BCAS3: variants seen among roughly 807,000 people sequenced by gnomAD.
The protein encoded by BCAS3 is BCAS3 microtubule associated cell migration factor, also known as BCAS4/BCAS3 fusion.
Under a neutral mutation model 116.1 loss-of-function variants are expected in BCAS3, and 53 were observed. The observed-to-expected ratio is 0.46, with a 90% CI of 0.37 to 0.57. The LOEUF is 0.57. Ranked by LOEUF, BCAS3 falls within the 20% of genes least tolerant of loss-of-function variation. The pLI is 0.00. For missense variants in BCAS3, 917 were observed against 1,165.4 expected (o/e 0.79, Z 3.10); for synonymous variants, 391 against 408.2 (o/e 0.96, Z 0.51).
At chr17:60,792,418 T>G (rs2046858549) in intron 6 of BCAS3, among the ~76,000 whole-genome samples, 1 of 152,218 alleles carries the variant, frequency 6.6e-6, no homozygotes, top group African/African-American at 2.4e-5. Context: ...ACCACTCTGC[T>G]TGCCCTTGGC....
At chr17:60,771,866 C>CGAAA (rs1236185248) in intron 6 of BCAS3, among the ~76,000 whole-genome samples, 3 of 152,166 alleles carry the variant, frequency 2.0e-5, no homozygotes, top group African/African-American at 7.2e-5. Flanking sequence ...TCATCCATGT[C>CGAAA]CCTACAAAGG....
chr17:61,048,790 A>C (rs1350288576), intron 19 of BCAS3, among the ~76,000 whole-genome samples: 2 of 151,964 alleles, frequency 1.3e-5, no homozygotes, highest in Non-Finnish European at 2.9e-5. Flanking sequence ...TCAACAGAAT[A>C]CTGGTGCCTC....
chr17:60,818,594 C>T (rs1187911136), intron 7 of BCAS3, among the ~76,000 whole-genome samples: 1 of 152,058 alleles, frequency 6.6e-6, no homozygotes, highest in East Asian at 1.9e-4. Flanking sequence ...GAGTTCTGAC[C>T]GATATTATCT....
chr17:61,163,325 GA>G (rs71148383), intron 22 of BCAS3, among the ~76,000 whole-genome samples: 96,820 of 151,670 alleles, frequency 0.64, 34,665 homozygotes, highest in South Asian at 0.86. Flanking sequence ...TGGGGAGGCT[GA>G]GGCAGGAGAA....
rs1211925653 is a variant in BCAS3, at chr17:60,708,324, C to CAA, written c.215-877_215-876dup. Among the ~76,000 whole-genome samples the CAA allele has an allele frequency of 7.9e-5, 6 of 75,682 alleles. 1 individual carries two copies. Among genetic ancestry groups the CAA allele is most frequent in the African/African-American group, 1.3e-4 (4 of 29,656 alleles). The allele number at this position is 75,682 out of a possible 152,430, so 49.7% of individuals were successfully genotyped here. A position where few individuals can be genotyped will look rare whatever the true frequency, so the allele number is the denominator to read the frequency against. ...TGGATGAAGGAGTGAGATTCTGTCTCAAAAAAAAAAAAAAAAAAAGTTTGT... is the reference window on the plus strand; with the variant it reads ...TGGATGAAGGAGTGAGATTCTGTCTCAAAAAAAAAAAAAAAAAAAAAGTTTGT... On this transcript the variant is annotated intron_variant, in intron 4 of 23. Coordinates refer to ENST00000407086, the MANE Select transcript of BCAS3 (RefSeq NM_017679.5).
rs533515914 is a variant in BCAS3 at position 60,802,371 on chromosome 17, C to CATATATAT, written c.404-5622_404-5615dup. On this transcript the variant is annotated intron_variant, in intron 6 of 23. Coordinates refer to ENST00000407086, the MANE Select transcript of BCAS3 (RefSeq NM_017679.5). ...ATACACACACATACATACATACATA[C>CATATATAT]ATATATATATATATATATCCCCTTG... Among the ~76,000 whole-genome samples the CATATATAT allele has an allele frequency of 9.6e-3, 1,074 of 111,916 alleles. 14 individuals are homozygous for CATATATAT. The highest frequency in any genetic ancestry group is 0.028 in the African/African-American group (753 of 26,598). The allele number at this position is 111,916 out of a possible 152,430, so 73.4% of individuals were successfully genotyped here.
chr17:61,052,715 C>CTTTTT (rs60772345), intron 19 of BCAS3, among the ~76,000 whole-genome samples: 76 of 124,922 alleles, frequency 6.1e-4, no homozygotes, highest in East Asian at 1.6e-3. Flanking sequence ...TTCTTTCTTT[C>CTTTTT]TTTTTTTTTT....
At chr17:60,762,825 C>T (rs944062386) in intron 6 of BCAS3, among the ~76,000 whole-genome samples, 3 of 151,876 alleles carry the variant, frequency 2.0e-5, no homozygotes, top group African/African-American at 7.3e-5. Flanking sequence ...TTCTTCCTAT[C>T]CATGAGCATG....
In BCAS3 at chr17:61,122,346, C is replaced by T. The variant is rs545191231; in HGVS notation, c.2425+37782C>T. On this transcript the variant is annotated intron_variant, in intron 22 of 23. Transcript: ENST00000407086. The surrounding 1 kb of genome is among the most constrained non-coding windows in gnomAD (Gnocchi z 4.6). ...CTGTCTCACATTCACTCAGGCTGCC[C>T]TTGGTTTTGAGCCAGATAACAAACC... 6.6e-6 allele frequency among the ~76,000 whole-genome samples: 1 copy of T among 152,332 alleles called. No homozygotes were observed. The highest frequency in any genetic ancestry group is 1.5e-5 in the Non-Finnish European group (1 of 68,036).
At position 61,118,106 on chromosome 17, in the gene BCAS3, T is replaced by G. The variant is rs1181595937; in HGVS notation, c.2425+33542T>G. Among the ~76,000 whole-genome samples the G allele has an allele frequency of 6.6e-6, 1 of 152,222 alleles. No individual in the cohort carries two copies. The highest frequency in any genetic ancestry group is 2.4e-5 in the African/African-American group (1 of 41,456). On this transcript the variant is annotated intron_variant, in intron 22 of 23. Coordinates refer to ENST00000407086, the MANE Select transcript of BCAS3 (RefSeq NM_017679.5). The surrounding 1 kb of genome is among the most constrained non-coding windows in gnomAD (Gnocchi z 5.0). ...TTCAGTTGAAAGCTGGGCATTTCCCTATGATATGAATTGTACTTAAACCTT... is the reference window on the plus strand; with the variant it reads ...TTCAGTTGAAAGCTGGGCATTTCCCGATGATATGAATTGTACTTAAACCTT...
At chr17:60,903,713 G>A (rs1349540852) in intron 11 of BCAS3, among the ~76,000 whole-genome samples, 1 of 152,148 alleles carries the variant, frequency 6.6e-6, no homozygotes, top group Non-Finnish European at 1.5e-5. Context: ...GGTTACAGGT[G>A]TGCATCACCG....
At chr17:60,895,098 C>A (rs142458543) in intron 10 of BCAS3, among the ~76,000 whole-genome samples, 104 of 152,138 alleles carry the variant, frequency 6.8e-4, no homozygotes, top group African/African-American at 2.2e-3. Context: ...GGGAGAGTTT[C>A]TTCCTCTTTT....
intron 14 of BCAS3, among the ~76,000 whole-genome samples, chr17:60,989,658 A>G (rs1294938836): frequency 6.6e-6 from 1 of 152,166 alleles, no homozygotes; most frequent in East Asian, 1.9e-4. Flanking sequence ...TACATGAATT[A>G]TTGTTGTTAT....
At chr17:60,926,707 A>C (rs2059382095) in intron 13 of BCAS3, among the ~76,000 whole-genome samples, 1 of 152,182 alleles carries the variant, frequency 6.6e-6, no homozygotes, top group Non-Finnish European at 1.5e-5. Context: ...CCTTTGTGTT[A>C]GTGTATATTT....
chr17:61,108,302 C>A (rs921212589), intron 22 of BCAS3, among the ~76,000 whole-genome samples: 2 of 152,034 alleles, frequency 1.3e-5, no homozygotes, highest in Non-Finnish European at 2.9e-5. Context: ...GTGTCTGTAT[C>A]ATTATATTTG....
In BCAS3 at chr17:60,981,256, C is replaced by T. The variant is rs190449562; in HGVS notation, c.1222-8715C>T. Among the ~76,000 whole-genome samples the T allele has an allele frequency of 5.9e-5, 9 of 151,832 alleles. No individual in the cohort carries two copies. The East Asian group carries it at 1.7e-3, about 29-fold the overall frequency. ...CCAAGTAAGAGACTAATATAGTAACCTTGTAGATGATAGTGTTTTAAGTGT... is the reference window on the plus strand; with the variant it reads ...CCAAGTAAGAGACTAATATAGTAACTTTGTAGATGATAGTGTTTTAAGTGT... On this transcript the variant is annotated intron_variant, in intron 14 of 23. Coordinates refer to ENST00000407086, the MANE Select transcript of BCAS3 (RefSeq NM_017679.5).
In BCAS3 at chr17:61,286,336, A is replaced by T. The variant is rs2051779401; in HGVS notation, c.2426-81991A>T. ...AAGTTATCGTGAGCAGATGAAGCAG[A>T]GGTTGCTGGGTTTATACTGATGTCT... is the stretch of plus-strand genomic sequence containing the variant. On this transcript the variant is annotated intron_variant, in intron 22 of 23. Transcript: ENST00000407086. This position sits in a 1 kb window ranked among gnomAD's most constrained non-coding sequence, Gnocchi z 4.8. Among the ~76,000 whole-genome samples the T allele has an allele frequency of 6.6e-6, 1 of 152,120 alleles. No individual in the cohort carries two copies. The highest frequency in any genetic ancestry group is 2.4e-5 in the African/African-American group (1 of 41,402).
At chr17:61,246,968 C>G (rs1346536014) in intron 22 of BCAS3, among the ~76,000 whole-genome samples, 1 of 152,006 alleles carries the variant, frequency 6.6e-6, no homozygotes, top group Non-Finnish European at 1.5e-5. Context: ...TGCTTTAGTA[C>G]CGAAATTAAC....
At chr17:61,170,300 T>C (rs1033799003) in intron 22 of BCAS3, among the ~76,000 whole-genome samples, 7 of 151,584 alleles carry the variant, frequency 4.6e-5, no homozygotes, top group Non-Finnish European at 7.4e-5. Flanking sequence ...TTTTGTTTTT[T>C]GGTTTTTTTT....
Sources: allele counts gnomAD v4.1 joint callset (sites outside exome capture counted in the v4.1 genomes callset), GRCh38; gene constraint gnomAD v4.1.1; non-coding constraint Gnocchi (gnomAD v3.1); transcripts MANE v1.5; gene names NCBI Gene and HGNC (gene_info 2026-07-23, HGNC 2026-07-21).